Variants in RBFOX1 observed in about 807,000 individuals in gnomAD.
RBFOX1 encodes RNA binding protein fox-1 homolog 1.
Under a neutral mutation model 57.7 loss-of-function variants are expected in RBFOX1, and 8 were observed. That is an observed-to-expected ratio of 0.14 (90% confidence interval 0.08 to 0.25). The LOEUF is 0.25. RBFOX1 is among the 10% of genes least tolerant of loss of function. RBFOX1 has a pLI of 1.00. For synonymous variants in RBFOX1, 326 were observed against 222.4 expected (o/e 1.47, Z -4.15); for missense variants, 611 against 548.5 (o/e 1.11, Z -1.14).
At chr16:5,825,004 C>T (rs985355467) in intron 3 of RBFOX1, among the ~76,000 whole-genome samples, 19 of 152,164 alleles carry the variant, frequency 1.2e-4, no homozygotes, top group African/African-American at 4.6e-4. Flanking sequence ...AAGAGGTCCC[C>T]ATTGTGGAAT....
intron 3 of RBFOX1, among the ~76,000 whole-genome samples, chr16:6,792,778 C>G (rs1428872400): frequency 4.6e-5 from 7 of 152,106 alleles, no homozygotes; most frequent in African/African-American, 1.7e-4. Context: ...CGCCTGTAAT[C>G]CCAGCACTCT....
intron 1 of RBFOX1, among the ~76,000 whole-genome samples, chr16:6,310,901 TAAAA>T (rs200121160): frequency 2.1e-5 from 3 of 140,512 alleles, no homozygotes. Flanking sequence ...ACCAGTGGTT[TAAAA>T]AAAAAAAAAA....
At chr16:6,939,951 A>G (rs148223098) in intron 3 of RBFOX1, among the ~76,000 whole-genome samples, 52 of 152,366 alleles carry the variant, frequency 3.4e-4, no homozygotes, top group African/African-American at 1.2e-3. Context: ...TATAGCAGGA[A>G]TGACATGGGT....
intron 3 of RBFOX1, among the ~76,000 whole-genome samples, chr16:5,719,084 T>A (rs1374947661): frequency 6.6e-6 from 1 of 152,172 alleles, no homozygotes; most frequent in South Asian, 2.1e-4. Context: ...TTAACTGTTA[T>A]GAAGATGACC....
intron 4 of RBFOX1, among the ~76,000 whole-genome samples, chr16:7,268,619 T>C (rs1689096699): frequency 6.6e-6 from 1 of 152,210 alleles, no homozygotes; most frequent in African/African-American, 2.4e-5. Flanking sequence ...AGTTGTCTTG[T>C]GATTATTGTA....
intron 11 of RBFOX1, among the ~76,000 whole-genome samples, chr16:7,636,053 AC>A (rs1479210468): frequency 6.6e-6 from 1 of 152,112 alleles, no homozygotes; most frequent in Non-Finnish European, 1.5e-5. Context: ...CTCGTGATCC[AC>A]CCGCCTTGGC....
intron 4 of RBFOX1, among the ~76,000 whole-genome samples, chr16:5,987,423 A>T (rs748176477): frequency 2.6e-5 from 4 of 152,172 alleles, no homozygotes; most frequent in Non-Finnish European, 4.4e-5. Context: ...AAAATGGATC[A>T]TGTTTTGGCC....
intron 4 of RBFOX1, among the ~76,000 whole-genome samples, chr16:7,366,409 G>A (rs890009926): frequency 6.6e-6 from 1 of 152,122 alleles, no homozygotes; most frequent in Non-Finnish European, 1.5e-5. Context: ...GACATTTATG[G>A]CTGAGCCGAG....
chr16:7,040,690 G>T (rs1275826971), intron 3 of RBFOX1, among the ~76,000 whole-genome samples: 1 of 152,116 alleles, frequency 6.6e-6, no homozygotes, highest in African/African-American at 2.4e-5. Context: ...CCTTGTGTGT[G>T]TGCATAGTTT....
intron 3 of RBFOX1, among the ~76,000 whole-genome samples, chr16:5,696,089 G>T (rs1336083061): frequency 6.6e-6 from 1 of 152,148 alleles, no homozygotes; most frequent in Non-Finnish European, 1.5e-5. Context: ...GAAAATTACA[G>T]AGAAGAATAT....
intron 4 of RBFOX1, among the ~76,000 whole-genome samples, chr16:5,972,959 G>T (rs887514443): frequency 3.3e-5 from 5 of 152,182 alleles, no homozygotes; most frequent in Non-Finnish European, 5.9e-5. Context: ...CATCATTTCT[G>T]TTGAGTCCCG....
chr16:6,997,894 C>G (rs1302578122), intron 3 of RBFOX1, among the ~76,000 whole-genome samples: 2 of 152,042 alleles, frequency 1.3e-5, no homozygotes, highest in African/African-American at 4.8e-5. Flanking sequence ...AGGTTGTGCA[C>G]TACATGTAAG....
intron 3 of RBFOX1, among the ~76,000 whole-genome samples, chr16:5,680,351 C>A (rs1268117273): frequency 6.6e-6 from 1 of 152,156 alleles, no homozygotes; most frequent in Non-Finnish European, 1.5e-5. Context: ...GTCCATTGAA[C>A]CCTAATGTCC....
intron 4 of RBFOX1, among the ~76,000 whole-genome samples, chr16:7,315,044 A>G (rs2096405215): frequency 6.6e-6 from 1 of 150,878 alleles, no homozygotes. Context: ...CATATATTTT[A>G]TTTGGAGCCC....
At chr16:6,814,427 A>G (rs1257068186) in intron 3 of RBFOX1, among the ~76,000 whole-genome samples, 2 of 152,104 alleles carry the variant, frequency 1.3e-5, no homozygotes, top group Non-Finnish European at 2.9e-5. Context: ...CAAGCCTGAC[A>G]TTGGGTGGTA....
At chr16:7,143,111 T>C (rs933467811) in intron 4 of RBFOX1, among the ~76,000 whole-genome samples, 1 of 152,176 alleles carries the variant, frequency 6.6e-6, no homozygotes, top group African/African-American at 2.4e-5. Flanking sequence ...TGCAAAATGT[T>C]TTCCATTTAT....
rs570088097 is a variant in RBFOX1, at chr16:6,091,602, G to C, written c.-127+71610G>C. 3.9e-5 allele frequency among the ~76,000 whole-genome samples: 6 copies of C among 152,310 alleles called. No homozygotes were observed. The East Asian group carries it at 1.2e-3, about 30-fold the overall frequency. On this transcript the variant is annotated intron_variant, in intron 1 of 15. Transcript: ENST00000550418. ...CCCAGGACTTTTGAAGGCTGAGGCA[G>C]GCGGATCACCTGAGGTCATGAGTTC...
At chr16:7,671,699 T>C in intron 13 of RBFOX1, 1 of 1,101,660 alleles carries the variant, frequency 9.1e-7, no homozygotes, top group Non-Finnish European at 1.4e-6. Context: ...AACAGTTCTC[T>C]AACATAGGAG....
intron 1 of RBFOX1, among the ~76,000 whole-genome samples, chr16:5,412,970 A>G (rs1171050593): frequency 1.3e-5 from 2 of 152,190 alleles, no homozygotes; most frequent in African/African-American, 4.8e-5. Context: ...TCGCTGAAGG[A>G]CGCAGGTGGG....
Sources: gnomAD v4.1 joint callset for allele counts (sites outside exome capture counted in the v4.1 genomes callset) on GRCh38, gnomAD v4.1.1 for gene constraint, MANE v1.5 for transcripts, NCBI Gene and HGNC (gene_info 2026-07-23, HGNC 2026-07-21) for gene names.